PALLD: variants seen among roughly 807,000 people sequenced by gnomAD.
The protein encoded by PALLD is palladin.
In PALLD, 61 loss-of-function variants were observed where a neutral mutation model predicts 123.5. That is an observed-to-expected ratio of 0.49 (90% CI 0.40 to 0.61). The LOEUF (loss-of-function observed/expected upper bound fraction) is 0.61, where lower values mean the gene tolerates loss of function less well. PALLD is among the 20% of genes least tolerant of loss of function. The pLI is 0.00. For missense variants in PALLD, 1,273 were observed against 1,377.0 expected, an observed-to-expected ratio of 0.92 and a Z score of 1.20; for synonymous variants, 465 against 496.4, an observed-to-expected ratio of 0.94 and a Z score of 0.84.
At chr4:168,878,771 G>A (rs975028783) in intron 10 of PALLD, among the ~76,000 whole-genome samples, 1 of 151,682 alleles carries the variant, frequency 6.6e-6, no homozygotes, top group African/African-American at 2.4e-5. Context: ...TTCCTAAGAG[G>A]TAGCATTGCC....
At chr4:168,581,702 T>C (rs1359275315) in intron 2 of PALLD, among the ~76,000 whole-genome samples, 1 of 152,138 alleles carries the variant, frequency 6.6e-6, no homozygotes, top group East Asian at 1.9e-4. Context: ...TTTTATCCCA[T>C]TTCTTAGGTT....
chr4:168,861,382 A>G (rs1749444045), intron 10 of PALLD, among the ~76,000 whole-genome samples: 1 of 152,160 alleles, frequency 6.6e-6, no homozygotes, highest in South Asian at 2.1e-4. Context: ...GAGAAATGGT[A>G]ACAGTATTTG....
chr4:168,571,196 T>C (rs1186053043), intron 2 of PALLD, among the ~76,000 whole-genome samples: 1 of 152,152 alleles, frequency 6.6e-6, no homozygotes, highest in African/African-American at 2.4e-5. Flanking sequence ...CTTTCCAGAG[T>C]TTCTTCCCTC....
At chr4:168,688,277 A>T (rs150878135) in intron 6 of PALLD, among the ~76,000 whole-genome samples, 461 of 152,150 alleles carry the variant, frequency 3.0e-3, no homozygotes, top group Non-Finnish European at 4.6e-3. Flanking sequence ...TCCAAGGGTT[A>T]CCTCCATCTG....
intron 8 of PALLD, among the ~76,000 whole-genome samples, chr4:168,702,029 G>A (rs1783723826): frequency 6.6e-6 from 1 of 152,178 alleles, no homozygotes. Flanking sequence ...CCCTCCCCTT[G>A]TGCAGATGAA....
chr4:168,542,604 A>G (rs1343445092), intron 2 of PALLD, among the ~76,000 whole-genome samples: 1 of 150,012 alleles, frequency 6.7e-6, no homozygotes, highest in African/African-American at 2.5e-5. Context: ...GAAAAATTAT[A>G]CCATGACTAC....
At chr4:168,904,373 A>G in intron 15 of PALLD, 1 of 162,566 alleles carries the variant, frequency 6.2e-6, no homozygotes, top group Non-Finnish European at 1.4e-5. Flanking sequence ...ATGTAGACAA[A>G]TGATAATTTT....
At chr4:168,574,099 A>C (rs1174937515) in intron 2 of PALLD, among the ~76,000 whole-genome samples, 10 of 152,074 alleles carry the variant, frequency 6.6e-5, no homozygotes, top group African/African-American at 2.4e-4. Flanking sequence ...GCTGGAGATA[A>C]TAAAAAGGGC....
intron 1 of PALLD, among the ~76,000 whole-genome samples, chr4:168,498,036 T>G (rs28718153): frequency 0.016 from 2,397 of 152,344 alleles, 72 homozygotes; most frequent in African/African-American, 0.054. Context: ...ATCACATATA[T>G]GCAGAAATTA....
At chr4:168,538,645 T>C (rs914243848) in intron 2 of PALLD, among the ~76,000 whole-genome samples, 1 of 152,180 alleles carries the variant, frequency 6.6e-6, no homozygotes, top group Non-Finnish European at 1.5e-5. Context: ...TGGTTTCTTA[T>C]TGAATTTTAA....
chr4:168,680,329 A>AT (rs1781419253), intron 3 of PALLD, among the ~76,000 whole-genome samples: 1 of 151,458 alleles, frequency 6.6e-6, no homozygotes, highest in South Asian at 2.1e-4. Context: ...AAAAAAAAAA[A>AT]ATACAAAAAT....
chr4:168,752,952 G>C (rs1731261974), intron 10 of PALLD, among the ~76,000 whole-genome samples: 1 of 152,152 alleles, frequency 6.6e-6, no homozygotes, highest in Admixed American at 6.5e-5. Context: ...AGGAGGAGAA[G>C]AAAGAGGAGG....
intron 10 of PALLD, among the ~76,000 whole-genome samples, chr4:168,713,234 G>A (rs545067715): frequency 7.2e-5 from 11 of 152,234 alleles, no homozygotes; most frequent in African/African-American, 1.4e-4. Flanking sequence ...ATACCTATGC[G>A]CCATCTCCAT....
intron 3 of PALLD, among the ~76,000 whole-genome samples, chr4:168,669,800 G>GCACA (rs10637670): frequency 0.18 from 26,391 of 147,916 alleles, 2,410 homozygotes; most frequent in Admixed American, 0.23. Flanking sequence ...CTTACAAAAT[G>GCACA]CACACACACA....
At chr4:168,769,471 A>G (rs1013010190) in intron 10 of PALLD, among the ~76,000 whole-genome samples, 1 of 152,164 alleles carries the variant, frequency 6.6e-6, no homozygotes, top group Non-Finnish European at 1.5e-5. Context: ...TCTGTGACAG[A>G]TGGGGCCGGG....
intron 10 of PALLD, among the ~76,000 whole-genome samples, chr4:168,735,819 G>A (rs1209544599): frequency 2.6e-5 from 4 of 152,048 alleles, no homozygotes; most frequent in Non-Finnish European, 5.9e-5. Flanking sequence ...CTGAACAAGC[G>A]AGGATTAGTT....
At chr4:168,718,174 C>T (rs185361160) in intron 10 of PALLD, among the ~76,000 whole-genome samples, 1 of 152,262 alleles carries the variant, frequency 6.6e-6, no homozygotes, top group Non-Finnish European at 1.5e-5. Flanking sequence ...AACATTATCC[C>T]GTCCTTCAAC....
At chr4:168,794,071 C>G (rs532771095) in intron 10 of PALLD, among the ~76,000 whole-genome samples, 3 of 152,138 alleles carry the variant, frequency 2.0e-5, no homozygotes, top group Non-Finnish European at 2.9e-5. Flanking sequence ...CGGCTCCTCC[C>G]GTCCTCAGCC....
intron 2 of PALLD, among the ~76,000 whole-genome samples, chr4:168,539,171 AAT>A (rs1439029150): frequency 1.6e-4 from 25 of 152,212 alleles, no homozygotes; most frequent in Admixed American, 1.6e-3. Context: ...CCATTTTACA[AAT>A]AAGGAAAACT....
Sources: allele counts gnomAD v4.1 joint callset (sites outside exome capture counted in the v4.1 genomes callset), GRCh38; gene constraint gnomAD v4.1.1; transcripts MANE v1.5; gene names NCBI Gene and HGNC (gene_info 2026-07-23, HGNC 2026-07-21).